The following SLC12A2 variants were observed in gnomAD, a reference collection of about 807,000 sequenced individuals.
The protein encoded by SLC12A2 is Na-K-2Cl cotransporter 1.
Under a neutral mutation model 136.3 loss-of-function variants are expected in SLC12A2, and 67 were observed. The observed-to-expected ratio is 0.49, with a 90% CI of 0.40 to 0.60. The LOEUF (loss-of-function observed/expected upper bound fraction) is 0.60, where lower values mean the gene tolerates loss of function less well. Among genes scored for constraint, SLC12A2 ranks in the 20% least tolerant of loss-of-function variants. The probability of loss-of-function intolerance (pLI) is 0.00; values close to 1 mark genes in which losing one functional copy is unlikely to be tolerated. For missense variants in SLC12A2, 1,322 were observed against 1,534.7 expected (o/e 0.86, Z 2.32); for synonymous variants, 619 against 562.9 (o/e 1.10, Z -1.41).
intron 4 of SLC12A2, among the ~76,000 whole-genome samples, chr5:128,130,801 A>G (rs941855076): frequency 6.6e-6 from 1 of 152,210 alleles, no homozygotes; most frequent in African/African-American, 2.4e-5. Context: ...TTTAATCTAA[A>G]CTTTAAAAGA....
At chr5:128,147,874 ATAGT>A in intron 11 of SLC12A2, 145 bp downstream of exon 11, 1 of 442,236 alleles carries the variant, frequency 2.3e-6, no homozygotes, top group South Asian at 5.0e-5. Flanking sequence ...AAAGATATAC[ATAGT>A]TAATTTTATA....
intron 1 of SLC12A2, among the ~76,000 whole-genome samples, chr5:128,108,101 A>T (rs1761013297): frequency 6.6e-6 from 1 of 152,028 alleles, no homozygotes; most frequent in Admixed American, 6.6e-5. Context: ...TTAACCGTTA[A>T]TGGTTTCTGT....
At chr5:128,110,452 CAGT>C in intron 1 of SLC12A2, 1 of 1,227,686 alleles carries the variant, frequency 8.1e-7, no homozygotes, top group Admixed American at 1.7e-5. Context: ...TGGTTAAACT[CAGT>C]AGAAACACCC....
At chr5:128,153,284 G>T (rs1032032127) in intron 15 of SLC12A2, among the ~76,000 whole-genome samples, 5 of 152,182 alleles carry the variant, frequency 3.3e-5, no homozygotes, top group African/African-American at 7.2e-5. Flanking sequence ...GCTGGGCACG[G>T]TGGCTCACGC....
chr5:128,084,546 CACT>C lies in SLC12A2; in HGVS notation c.597_599del (p.Tyr201del), dbSNP rs1302470513. The C allele has an allele frequency of 4.3e-6, 7 of 1,613,700 alleles. No homozygotes were observed. The highest frequency in any genetic ancestry group is 1.1e-5 in the South Asian group (1 of 91,084). The stretch of plus-strand genomic sequence containing the variant: ...CGGCGGCGGCAGTGGGCACCACCAG[CACT>C]ACTATTATGATACCCACACCAACAC... On this transcript the variant is annotated inframe_deletion, in exon 1 of 27. Coordinates refer to ENST00000262461, the MANE Select transcript of SLC12A2 (RefSeq NM_001046.3). The surrounding 1 kb of genome is among the most constrained non-coding windows in gnomAD (Gnocchi z 5.6).
chr5:128,156,597 A>G (rs1271934109), intron 15 of SLC12A2, among the ~76,000 whole-genome samples: 8 of 152,222 alleles, frequency 5.3e-5, no homozygotes, highest in Admixed American at 4.6e-4. Context: ...TTAAACTACT[A>G]TAATAAAAAG....
chr5:128,186,458 A>C, intron 26 of SLC12A2, 38 bp from the exon 27 acceptor site: 15 of 1,411,830 alleles, frequency 1.1e-5, no homozygotes, highest in Non-Finnish European at 1.4e-5. Context: ...TGCATTGCTC[A>C]GGGTTTTTTT....
At chr5:128,130,590 G>A (rs1249563558) in intron 4 of SLC12A2, among the ~76,000 whole-genome samples, 7 of 151,010 alleles carry the variant, frequency 4.6e-5, no homozygotes, top group Admixed American at 1.3e-4. Context: ...GCTGAGGCAC[G>A]AGAATTGCTT....
At chr5:128,126,964 A>AATTTTT (rs1554105182) in intron 4 of SLC12A2, among the ~76,000 whole-genome samples, 3 of 21,686 alleles carry the variant, frequency 1.4e-4, no homozygotes, top group African/African-American at 9.5e-4. Context: ...ATATATATAT[A>AATTTTT]TATTTTTTTT....
chr5:128,110,933 C>A (rs1761120901), intron 1 of SLC12A2: 1 of 888,188 alleles, frequency 1.1e-6, no homozygotes, highest in Non-Finnish European at 1.9e-6. Flanking sequence ...AGGGTAGAAC[C>A]ACAGACTGAG....
intron 22 of SLC12A2, 128 bp from the exon 23 acceptor site, chr5:128,180,755 T>C: frequency 8.0e-6 from 5 of 626,982 alleles, no homozygotes; most frequent in South Asian, 7.8e-5. Flanking sequence ...GACTGAATTA[T>C]CAAGGAAGGA....
chr5:128,161,372 A>C (rs148745276), intron 16 of SLC12A2, among the ~76,000 whole-genome samples: 1 of 152,294 alleles, frequency 6.6e-6, no homozygotes, highest in Non-Finnish European at 1.5e-5. Context: ...CATTTTTGAT[A>C]GCTTCTAACC....
chr5:128,142,368 G>T (rs1270472626), intron 10 of SLC12A2, among the ~76,000 whole-genome samples: 1 of 152,164 alleles, frequency 6.6e-6, no homozygotes, highest in Non-Finnish European at 1.5e-5. Flanking sequence ...CTCCCAAAGT[G>T]CTGGGATGGC....
intron 10 of SLC12A2, among the ~76,000 whole-genome samples, chr5:128,143,035 A>AT (rs2126713862): frequency 6.6e-6 from 1 of 152,212 alleles, no homozygotes; most frequent in South Asian, 2.1e-4. Flanking sequence ...TTAAACTGGT[A>AT]TATCAGTTTG....
At chr5:128,171,497 G>C (rs1243687078) in intron 18 of SLC12A2, among the ~76,000 whole-genome samples, 170 bp from the exon 19 acceptor site, 3 of 152,144 alleles carry the variant, frequency 2.0e-5, no homozygotes, top group Non-Finnish European at 4.4e-5. Flanking sequence ...TGTGGAATTT[G>C]AAACTAACAT....
chr5:128,114,283 A>G lies in SLC12A2; in HGVS notation c.948A>G (p.Gly316=). 2 of 1,611,262 alleles carry G rather than the reference A, an allele frequency of 1.2e-6. No homozygotes were observed. The highest frequency in any genetic ancestry group is 8.5e-7 in the Non-Finnish European group (1 of 1,177,662). The change falls in exon 3 of 27, where the codon GGA becomes GGG. Residue 316 remains glycine (G), a synonymous_variant. Transcript: ENST00000262461. The part of the protein sequence containing the change: ...IRLSWIVGQA[G]IGLSVLVIMM... ...TGTCATGGATTGTGGGTCAAGCTGG[A>G]ATAGGTAAGTGAAGTTATATCCTGC...
intron 11 of SLC12A2, among the ~76,000 whole-genome samples, 197 bp downstream of exon 11, chr5:128,147,926 G>A (rs1406559182): frequency 1.3e-5 from 2 of 151,244 alleles, no homozygotes; most frequent in Non-Finnish European, 3.0e-5. Flanking sequence ...AAATATTTGT[G>A]CATTTGCTGT....
chr5:128,137,625 A>G (rs1762227363), intron 7 of SLC12A2, among the ~76,000 whole-genome samples: 1 of 152,220 alleles, frequency 6.6e-6, no homozygotes, highest in African/African-American at 2.4e-5. Flanking sequence ...AAGTACTTTG[A>G]GGTGCTAGAA....
intron 12 of SLC12A2, among the ~76,000 whole-genome samples, chr5:128,149,344 T>C (rs1423894701): frequency 1.3e-5 from 2 of 151,854 alleles, no homozygotes; most frequent in East Asian, 3.8e-4. Flanking sequence ...GGAAACTAAT[T>C]CTCATGTGAT....
Sources: allele counts gnomAD v4.1 joint callset (sites outside exome capture counted in the v4.1 genomes callset), GRCh38; gene constraint gnomAD v4.1.1; non-coding constraint Gnocchi (gnomAD v3.1); transcripts MANE v1.5; gene names NCBI Gene and HGNC (gene_info 2026-07-23, HGNC 2026-07-21).